Variants in SLMAP observed in about 807,000 individuals in gnomAD.
SLMAP encodes sarcolemmal membrane-associated protein.
Under a neutral mutation model 128.8 loss-of-function variants are expected in SLMAP, and 44 were observed. The observed-to-expected ratio is 0.34, with a 90% CI of 0.27 to 0.44. The LOEUF is 0.44. Ranked by LOEUF, SLMAP falls within the 20% of genes least tolerant of loss-of-function variation. SLMAP has a pLI of 1.00. For synonymous variants in SLMAP, 327 were observed against 348.8 expected (o/e 0.94, Z 0.70); for missense variants, 787 against 985.3 (o/e 0.80, Z 2.69).
At chr3:57,770,625 G>A (rs2080656409) in intron 2 of SLMAP, among the ~76,000 whole-genome samples, 1 of 152,178 alleles carries the variant, frequency 6.6e-6, no homozygotes. Context: ...TGGCTCCATT[G>A]CTTGCCAGAT....
chr3:57,820,119 C>T (rs1353125031), intron 2 of SLMAP, among the ~76,000 whole-genome samples: 2 of 152,050 alleles, frequency 1.3e-5, no homozygotes, highest in Non-Finnish European at 1.5e-5. Context: ...CAGCTGACCC[C>T]AGGATAGTTA....
chr3:57,804,546 C>G (rs554796706), intron 2 of SLMAP, among the ~76,000 whole-genome samples: 1 of 152,126 alleles, frequency 6.6e-6, no homozygotes, highest in Non-Finnish European at 1.5e-5. Context: ...GAGTTTGAGA[C>G]CAGCCTGGGC....
chr3:57,793,903 A>G (rs1427101283), intron 2 of SLMAP, among the ~76,000 whole-genome samples: 1 of 151,742 alleles, frequency 6.6e-6, no homozygotes, highest in East Asian at 1.9e-4. Flanking sequence ...TCTTAAAAAA[A>G]AAAAAAAAAA....
rs771112794 is a variant in SLMAP at position 57,757,783 on chromosome 3, C to T, written c.132C>T (p.Ala44=). Residue 44 remains alanine (A), a synonymous_variant, in exon 2 of 25, where the codon GCC becomes GCT. Coordinates refer to ENST00000671191, the MANE Select transcript of SLMAP (RefSeq NM_001377540.1). ...VARCRPAQNN[A]TFDCKVLSRN... ...GCTGTCGACCAGCGCAGAATAATGC[C>T]ACTTTTGATTGCAAAGTGCTATCAA... 3 of 1,614,196 alleles carry T rather than the reference C, an allele frequency of 1.9e-6. No homozygotes were observed. Among genetic ancestry groups the T allele is most frequent in the Non-Finnish European group, 2.5e-6 (3 of 1,180,046 alleles).
At chr3:57,916,254 G>A (rs1287917993) in intron 21 of SLMAP, among the ~76,000 whole-genome samples, 1 of 152,148 alleles carries the variant, frequency 6.6e-6, no homozygotes, top group Non-Finnish European at 1.5e-5. Context: ...AGGGCACTGA[G>A]ACTCTGCTTG....
intron 17 of SLMAP, among the ~76,000 whole-genome samples, chr3:57,905,578 G>T (rs1018995350): frequency 6.6e-6 from 1 of 152,130 alleles, no homozygotes; most frequent in East Asian, 1.9e-4. Flanking sequence ...ACTGTGCCCG[G>T]CCCAGGGGAT....
chr3:57,919,974 T>TCACAACTCCTGCAATGGAGAAATAAGTGC (rs1245590139), intron 22 of SLMAP, among the ~76,000 whole-genome samples: 1 of 151,996 alleles, frequency 6.6e-6, no homozygotes, highest in Admixed American at 6.6e-5. Flanking sequence ...TGGTTCTGCT[T>TCACAACTCCTGCAATGGAGAAATAAGTGC]CACAACTCCT....
rs796321391 is a variant in SLMAP at position 57,873,810 on chromosome 3, T to C, written c.1300+2112T>C. The stretch of plus-strand genomic sequence containing the variant: ...GGCAACATAGTGAGACCCGTTCCTA[T>C]AAAAAACTTTAAAAAATTATCCAGG... On this transcript the variant is annotated intron_variant, in intron 14 of 24. Transcript: ENST00000671191. 2.0e-5 allele frequency among the ~76,000 whole-genome samples: 3 copies of C among 151,958 alleles called. No individual in the cohort carries two copies. The East Asian group carries it at 5.8e-4, about 30-fold the overall frequency.
chr3:57,925,284 A>G (rs902186836), intron 23 of SLMAP, among the ~76,000 whole-genome samples: 1 of 150,440 alleles, frequency 6.6e-6, no homozygotes, highest in African/African-American at 2.4e-5. Context: ...ATATTTCATT[A>G]GAATGTTAGG....
intron 17 of SLMAP, among the ~76,000 whole-genome samples, chr3:57,903,511 G>A (rs2096450135): frequency 1.3e-5 from 2 of 152,210 alleles, no homozygotes; most frequent in Middle Eastern, 3.2e-3. Context: ...GGATCAGTGT[G>A]TCAGAGTTCA....
chr3:57,817,075 G>A (rs933864532), intron 2 of SLMAP, among the ~76,000 whole-genome samples: 8 of 152,180 alleles, frequency 5.3e-5, no homozygotes, highest in Admixed American at 2.0e-4. Context: ...TCAGCAGAGG[G>A]TCAACAGTCT....
chr3:57,806,247 C>T (rs1051722967), intron 2 of SLMAP, among the ~76,000 whole-genome samples: 1 of 151,922 alleles, frequency 6.6e-6, no homozygotes, highest in South Asian at 2.1e-4. Flanking sequence ...GTGTTGTTCC[C>T]CTCCCTGTGT....
chr3:57,889,788 T>C (rs1181740636), intron 14 of SLMAP, among the ~76,000 whole-genome samples: 5 of 152,204 alleles, frequency 3.3e-5, no homozygotes, highest in African/African-American at 1.2e-4. Flanking sequence ...TATAAAAATA[T>C]CTAGGCTTTT....
Position 57,895,159 on chromosome 3 carries a change from A to G in SLMAP, c.1361-1352A>G, listed in dbSNP as rs189401388. Among the ~76,000 whole-genome samples, 471 of 152,034 alleles carry G rather than the reference A, an allele frequency of 3.1e-3. 14 individuals are homozygous for G. The highest frequency in any genetic ancestry group is 0.028 in the Admixed American group (424 of 15,268). On this transcript the variant is annotated intron_variant, in intron 15 of 24. Transcript: ENST00000671191. The stretch of plus-strand genomic sequence containing the variant: ...AAGAAAGGAATTCCATAGTATGTAC[A>G]GATGTGCCATTACAGATGAGGATCT...
rs760784088 is a variant in SLMAP, at chr3:57,864,681, A to G, written c.1100A>G (p.Asn367Ser). Residue 367 changes from asparagine (N) to serine (S), a missense_variant, in exon 11 of 25, where the codon AAT becomes AGT. This residue lies in a region of SLMAP where 715 missense variants were observed against 843.6 expected (regional missense o/e 0.85). Coordinates refer to ENST00000671191, the MANE Select transcript of SLMAP (RefSeq NM_001377540.1). ...QAKIEALQADNDFTNERLTAL... is the reference protein window; with the variant it reads ...QAKIEALQADSDFTNERLTAL... ...AAAATAGAAGCTTTGCAAGCTGATA[A>G]TGATTTCACCAATGAAAGGCTAACA... is the stretch of plus-strand genomic sequence containing the variant. 7 of 1,596,402 alleles carry G rather than the reference A, an allele frequency of 4.4e-6. No individual in the cohort carries two copies. The highest frequency in any genetic ancestry group is 6.0e-6 in the Non-Finnish European group (7 of 1,175,972).
intron 6 of SLMAP, among the ~76,000 whole-genome samples, chr3:57,851,503 C>T (rs1331204666): frequency 1.4e-5 from 2 of 146,398 alleles, no homozygotes; most frequent in South Asian, 2.1e-4. Flanking sequence ...AATGGACTTT[C>T]GCTCTGTCAC....
intron 2 of SLMAP, among the ~76,000 whole-genome samples, chr3:57,779,878 G>A (rs1195882324): frequency 6.6e-6 from 1 of 152,076 alleles, no homozygotes. Flanking sequence ...CTAAGTCTTA[G>A]TGCTTGCCAT....
At chr3:57,773,853 A>G (rs970141208) in intron 2 of SLMAP, among the ~76,000 whole-genome samples, 4 of 152,172 alleles carry the variant, frequency 2.6e-5, no homozygotes, top group African/African-American at 9.7e-5. Flanking sequence ...TTTCAAGATT[A>G]TTTTTATCTT....
rs532559556 is a variant in SLMAP at position 57,818,155 on chromosome 3, T to G, written c.199-13228T>G. On this transcript the variant is annotated intron_variant, in intron 2 of 24. Transcript: ENST00000671191. ...TTTAGTCCTGATTTCTTTTTTGTTT[T>G]GTTTTGTTTTGTTTTTTGAGATGGA... 3.4e-5 allele frequency among the ~76,000 whole-genome samples: 5 copies of G among 146,328 alleles called. No individual in the cohort carries two copies. In the East Asian group the frequency reaches 1.2e-3, roughly 35 times the overall value.
Sources: gnomAD v4.1 joint callset for allele counts (sites outside exome capture counted in the v4.1 genomes callset) on GRCh38, gnomAD v4.1.1 for gene constraint, gnomAD v4.1.1 regional missense constraint, MANE v1.5 for transcripts, NCBI Gene and HGNC (gene_info 2026-07-23, HGNC 2026-07-21) for gene names.